PPL: variants seen among roughly 807,000 people sequenced by gnomAD.
PPL encodes the protein 190 kDa paraneoplastic pemphigus antigen.
Under a neutral mutation model 194.4 loss-of-function variants are expected in PPL, and 198 were observed. The observed-to-expected ratio is 1.02, with a 90% CI of 0.91 to 1.15. The LOEUF is 1.15. PPL is among the 50% of genes most tolerant of loss of function. The pLI, the probability that PPL is intolerant of heterozygous loss-of-function variation, is 0.00. For missense variants in PPL, 2,885 were observed against 2,294.8 expected (o/e 1.26, Z -5.25); for synonymous variants, 1,220 against 972.4 (o/e 1.25, Z -4.74).
At chr16:4,887,861 G>A (rs2088243253) in intron 20 of PPL, among the ~76,000 whole-genome samples, 1 of 152,204 alleles carries the variant, frequency 6.6e-6, no homozygotes. Flanking sequence ...CTCCCAAAGT[G>A]CTAGGATTAC....
In PPL at chr16:4,884,616, T is replaced by A. The variant is rs758289486; in HGVS notation, c.4039A>T (p.Lys1347Ter). The stretch of plus-strand genomic sequence containing the variant: ...ACCTCCTGCTGCACCACCCTTTCCT[T>A]CACCCGCGAGAGCTCCTCCTCTTTC... ...ARKEEELSRV[K>*]ERVVQQEVVR... Residue 1347 changes from lysine to a stop codon, truncating the protein, a stop_gained, in exon 22 of 22, where the codon AAG (lysine) becomes TAG (stop). Coordinates refer to ENST00000345988, the MANE Select transcript of PPL (RefSeq NM_002705.5). LOFTEE classifies it high-confidence loss of function. The surrounding 1 kb of genome is among the most constrained non-coding windows in gnomAD (Gnocchi z 5.7). The A allele has an allele frequency of 6.2e-7, 1 of 1,614,098 alleles. No homozygotes were observed. The highest frequency in any genetic ancestry group is 1.1e-5 in the South Asian group (1 of 91,080).
intron 1 of PPL, among the ~76,000 whole-genome samples, chr16:4,926,549 G>A (rs2089156775): frequency 6.6e-6 from 1 of 152,152 alleles, no homozygotes; most frequent in South Asian, 2.1e-4. Flanking sequence ...AAGCTAGTAG[G>A]TAGGTTAAGG....
chr16:4,929,547 C>T (rs1035824966), intron 1 of PPL, among the ~76,000 whole-genome samples: 3 of 152,148 alleles, frequency 2.0e-5, no homozygotes, highest in East Asian at 1.9e-4. Context: ...CCCACCACCA[C>T]GGTTTGGTTG....
intron 16 of PPL, 98 bp from the exon 17 acceptor site, chr16:4,891,019 G>C (rs1467660412): frequency 6.4e-6 from 7 of 1,101,440 alleles, no homozygotes; most frequent in Non-Finnish European, 8.8e-6. Context: ...ACTGTAGGAG[G>C]GTGGGCAAGG....
rs1173727241 is a variant in PPL, at chr16:4,895,721, G to C, written c.973-5C>G. 6.2e-7 allele frequency: 1 copy of C among 1,613,776 alleles called. No individual in the cohort carries two copies. The highest frequency in any genetic ancestry group is 1.1e-5 in the South Asian group (1 of 91,074). ...GTCCTTCACGTCTTCGTGAAACTAG[G>C]GGAGAAGGTGGCTCTGTTACAGCCA... On this transcript the variant is annotated splice_region_variant and splice_polypyrimidine_tract_variant and intron_variant, in intron 9 of 21. Transcript: ENST00000345988.
chr16:4,929,275 T>C (rs2142426480), intron 1 of PPL, among the ~76,000 whole-genome samples: 1 of 152,174 alleles, frequency 6.6e-6, no homozygotes, highest in East Asian at 1.9e-4. Flanking sequence ...ATCCAGAACC[T>C]GCCTGCTTGC....
chr16:4,898,930 C>T, intron 8 of PPL, 83 bp downstream of exon 8: 1 of 1,116,252 alleles, frequency 9.0e-7, no homozygotes. Context: ...GCTCCGGGGT[C>T]TGCCCGAGCT....
intron 1 of PPL, among the ~76,000 whole-genome samples, chr16:4,918,329 CAG>C (rs2088969625): frequency 6.6e-6 from 1 of 151,036 alleles, no homozygotes; most frequent in Admixed American, 6.6e-5. Flanking sequence ...TTAGAAATGA[CAG>C]GGGTTTGTTT....
intron 2 of PPL, among the ~76,000 whole-genome samples, chr16:4,906,736 G>C (rs759928128): frequency 6.6e-6 from 1 of 152,212 alleles, no homozygotes; most frequent in Non-Finnish European, 1.5e-5. Context: ...AAGTCGGGCA[G>C]AACTGATCGA....
intron 1 of PPL, among the ~76,000 whole-genome samples, chr16:4,928,738 C>T (rs561943262): frequency 1.3e-5 from 2 of 152,288 alleles, no homozygotes; most frequent in East Asian, 3.9e-4. Context: ...TGGCTGGGAG[C>T]AGTGGCTCAT....
intron 21 of PPL, among the ~76,000 whole-genome samples, chr16:4,886,303 C>T (rs543455314): frequency 3.3e-5 from 5 of 152,318 alleles, no homozygotes; most frequent in Non-Finnish European, 7.4e-5. Flanking sequence ...CTCTGGTCCC[C>T]GTCCTAGGGC....
At chr16:4,904,099 A>G (rs548466399) in intron 2 of PPL, 59 bp from the exon 3 acceptor site, 270 of 1,545,030 alleles carry the variant, frequency 1.7e-4, no homozygotes, top group Middle Eastern at 3.3e-4. Flanking sequence ...CACGGTGGCA[A>G]TGGGAGGGGT....
Position 4,931,521 on chromosome 16 carries a change from G to A in PPL, c.62+5463C>T, listed in dbSNP as rs1189140228. ...CAGCACAGCAACCCATCAGAAGCCG[G>A]GAGAACAAAGACCAGAGGCCGTTTC... On this transcript the variant is annotated intron_variant, in intron 1 of 21. Coordinates refer to ENST00000345988, the MANE Select transcript of PPL (RefSeq NM_002705.5). 2.0e-5 allele frequency among the ~76,000 whole-genome samples: 3 copies of A among 152,214 alleles called. No homozygotes were observed. The East Asian group carries it at 5.8e-4, about 29-fold the overall frequency.
At chr16:4,890,381 T>G in intron 17 of PPL, 47 bp from the exon 18 acceptor site, 1 of 1,526,666 alleles carries the variant, frequency 6.6e-7, no homozygotes, top group Non-Finnish European at 8.8e-7. Flanking sequence ...AACAGATGCC[T>G]CACCGAGCCC....
chr16:4,930,302 G>A (rs1017489958), intron 1 of PPL, among the ~76,000 whole-genome samples: 1 of 152,118 alleles, frequency 6.6e-6, no homozygotes, highest in East Asian at 1.9e-4. Flanking sequence ...TGCCAGCTGT[G>A]TACTCAGCCA....
intron 1 of PPL, among the ~76,000 whole-genome samples, chr16:4,929,810 T>G (rs540543680): frequency 1.5e-4 from 23 of 152,012 alleles, no homozygotes; most frequent in African/African-American, 5.5e-4. Context: ...CTCAGCCTCC[T>G]GAGTAGCTAA....
chr16:4,910,432 G>A (rs1008786261), intron 2 of PPL, among the ~76,000 whole-genome samples: 10 of 152,162 alleles, frequency 6.6e-5, no homozygotes, highest in Non-Finnish European at 1.0e-4. Flanking sequence ...TGGCTCACTT[G>A]TCCAAGGTCA....
At chr16:4,900,150 A>C (rs1475345400) in intron 6 of PPL, among the ~76,000 whole-genome samples, 1 of 152,206 alleles carries the variant, frequency 6.6e-6, no homozygotes, top group Non-Finnish European at 1.5e-5. Flanking sequence ...TGTCTGAAAC[A>C]TTGGCAACAA....
chr16:4,890,216 T>C lies in PPL; in HGVS notation c.2281A>G (p.Ser761Gly). ...TTCTTCAGCTTGGTCTCCATCTGGCTGAGGCTGTCTGTCTCCTGGGGCTCG... is the reference window on the plus strand; with the variant it reads ...TTCTTCAGCTTGGTCTCCATCTGGCCGAGGCTGTCTGTCTCCTGGGGCTCG... ...SYEPQETDSLSQMETKLKNQK... is the reference protein window; with the variant it reads ...SYEPQETDSLGQMETKLKNQK... Residue 761 changes from serine to glycine, a missense_variant, in exon 18 of 22, where the codon AGC (serine) becomes GGC (glycine). Physicochemically the swap from Ser to Gly is moderately conservative, Grantham distance 56 (BLOSUM62 0). Transcript: ENST00000345988. 6.2e-7 allele frequency: 1 copy of C among 1,614,192 alleles called. No individual in the cohort carries two copies. Among genetic ancestry groups the C allele is most frequent in the Non-Finnish European group, 8.5e-7 (1 of 1,180,040 alleles).
Sources: gnomAD v4.1 joint callset for allele counts (sites outside exome capture counted in the v4.1 genomes callset) on GRCh38, gnomAD v4.1.1 for gene constraint, Gnocchi (gnomAD v3.1) non-coding constraint, MANE v1.5 for transcripts, NCBI Gene and HGNC (gene_info 2026-07-23, HGNC 2026-07-21) for gene names.